Variants in IMPG2 observed in about 807,000 individuals in gnomAD.
IMPG2 encodes the protein interphotoreceptor matrix proteoglycan 2.
Under a neutral mutation model 129.2 loss-of-function variants are expected in IMPG2, and 91 were observed. That is an observed-to-expected ratio of 0.70 (90% CI 0.59 to 0.84). The LOEUF is 0.84. Ranked by LOEUF, IMPG2 falls within the 40% of genes least tolerant of loss-of-function variation. The pLI is 0.00. For synonymous variants in IMPG2, 510 were observed against 517.7 expected (o/e 0.99, Z 0.20); for missense variants, 1,430 against 1,461.7 (o/e 0.98, Z 0.35).
In IMPG2 at chr3:101,226,574, C is replaced by A. The variant is rs1470461436; in HGVS notation, c.*395G>T. Reference sequence around the variant, plus strand: ...TGCTCCAAAATATTCCCTTACTAAGCCAGACTTCTCCATGGAAGAGTCTCA... The same window carrying A: ...TGCTCCAAAATATTCCCTTACTAAGACAGACTTCTCCATGGAAGAGTCTCA... On this transcript the variant is annotated 3_prime_UTR_variant, in exon 19 of 19. Transcript: ENST00000193391. 5 of 176,986 alleles carry A rather than the reference C, an allele frequency of 2.8e-5. No homozygotes were observed. Among genetic ancestry groups the A allele is most frequent in the Non-Finnish European group, 5.9e-5 (5 of 84,718 alleles). The allele number at this position is 176,986 out of a possible 1,614,324, so 11.0% of individuals were successfully genotyped here. A position where few individuals can be genotyped will look rare whatever the true frequency, so the allele number is the denominator to read the frequency against.
chr3:101,224,978 C>T lies in IMPG2; in HGVS notation c.*1991G>A, dbSNP rs1332546220. The T allele has an allele frequency of 6.6e-6, 1 of 152,208 alleles. No individual in the cohort carries two copies. The highest frequency in any genetic ancestry group is 1.5e-5 in the Non-Finnish European group (1 of 68,026). 9.4% of individuals were successfully genotyped at this position (152,208 alleles called of 1,614,324 possible). A position where few individuals can be genotyped will look rare whatever the true frequency, so the allele number is the denominator to read the frequency against. ...TTCTCCTAAGTGTTCTGCATGGTGA[C>T]CTGCCCTAGAGGGATTTGTGTCCAT... is the stretch of plus-strand genomic sequence containing the variant. On this transcript the variant is annotated 3_prime_UTR_variant, in exon 19 of 19. Transcript: ENST00000193391.
chr3:101,291,385 T>C, intron 4 of IMPG2, 94 bp downstream of exon 4: 2 of 1,074,878 alleles, frequency 1.9e-6, no homozygotes, highest in Non-Finnish European at 2.9e-6. Flanking sequence ...GGCAAGAAAA[T>C]AGAAAGGCAC....
intron 9 of IMPG2, among the ~76,000 whole-genome samples, chr3:101,260,650 C>T (rs1706659091): frequency 6.6e-6 from 1 of 152,082 alleles, no homozygotes; most frequent in South Asian, 2.1e-4. Flanking sequence ...TTATTACCTC[C>T]CAACCCTTAT....
At chr3:101,251,993 T>C (rs1488694916) in intron 11 of IMPG2, among the ~76,000 whole-genome samples, 1 of 152,202 alleles carries the variant, frequency 6.6e-6, no homozygotes, top group African/African-American at 2.4e-5. Context: ...TTCTGATGTC[T>C]CCTTCAATTG....
chr3:101,304,450 A>G, intron 2 of IMPG2, 138 bp from the exon 3 acceptor site: 1 of 760,414 alleles, frequency 1.3e-6, no homozygotes, highest in Non-Finnish European at 2.3e-6. Context: ...ATTCTCAGTC[A>G]AAGGCCTTCT....
chr3:101,232,768 A>G lies in IMPG2; in HGVS notation c.3233+13T>C. 1 of 1,612,096 alleles carries G rather than the reference A, an allele frequency of 6.2e-7. No individual in the cohort carries two copies. ...TATAGCCTCTAAAGTCAAAATCTGT[A>G]ACTACAACATACCTACAAATGGCCC... On this transcript the variant is annotated intron_variant, in intron 15 of 18. Coordinates refer to ENST00000193391, the MANE Select transcript of IMPG2 (RefSeq NM_016247.4).
At chr3:101,267,351 T>C (rs1327359822) in intron 9 of IMPG2, among the ~76,000 whole-genome samples, 160 bp downstream of exon 9, 1 of 152,202 alleles carries the variant, frequency 6.6e-6, no homozygotes, top group Non-Finnish European at 1.5e-5. Context: ...GCTACCTGAC[T>C]CTTAATAGAA....
At chr3:101,239,416 T>C (rs1706382098) in intron 14 of IMPG2, among the ~76,000 whole-genome samples, 1 of 152,180 alleles carries the variant, frequency 6.6e-6, no homozygotes, top group South Asian at 2.1e-4. Context: ...ATGGCGATCA[T>C]TAAAAAGTCA....
Position 101,320,445 on chromosome 3 carries a change from T to C in IMPG2, c.-73A>G, listed in dbSNP as rs895971005. On this transcript the variant is annotated 5_prime_UTR_variant, in exon 1 of 19. Transcript: ENST00000193391. ...GTGTCCAAATCCTTGAAACTTCCAA[T>C]AACAAAGAGTTATAGGAAAGACCTA... 1 of 902,442 alleles carries C rather than the reference T, an allele frequency of 1.1e-6. No homozygotes were observed. The highest frequency in any genetic ancestry group is 1.8e-5 in the Admixed American group (1 of 54,886). 55.9% of individuals were successfully genotyped at this position (902,442 alleles called of 1,614,324 possible).
At chr3:101,269,599 T>C in intron 7 of IMPG2, 26 bp from the exon 8 acceptor site, 6 of 1,350,894 alleles carry the variant, frequency 4.4e-6, no homozygotes, top group Non-Finnish European at 6.4e-6. Context: ...ATAAAAATGA[T>C]AACTATGTAA....
intron 2 of IMPG2, among the ~76,000 whole-genome samples, chr3:101,317,950 T>C (rs2058793621): frequency 6.6e-6 from 1 of 151,456 alleles, no homozygotes; most frequent in African/African-American, 2.4e-5. Context: ...TGAGACCCCA[T>C]CTCTACCAAA....
chr3:101,228,708 G>C (rs946801570), intron 18 of IMPG2, 89 bp downstream of exon 18: 1 of 1,048,310 alleles, frequency 9.5e-7, no homozygotes, highest in Non-Finnish European at 1.5e-6. Flanking sequence ...ACATGGACAG[G>C]AAATTATGTG....
chr3:101,231,275 G>A, intron 15 of IMPG2, 130 bp from the exon 16 acceptor site: 4 of 861,180 alleles, frequency 4.6e-6, no homozygotes, highest in Non-Finnish European at 7.8e-6. Context: ...TTCATAAAGA[G>A]TTGAATAGAC....
chr3:101,293,351 G>C (rs2107128153), intron 3 of IMPG2, among the ~76,000 whole-genome samples: 1 of 152,220 alleles, frequency 6.6e-6, no homozygotes, highest in Non-Finnish European at 1.5e-5. Flanking sequence ...CAGAGCTCTT[G>C]GGTGGCTATG....
intron 14 of IMPG2, among the ~76,000 whole-genome samples, chr3:101,237,561 A>T (rs1706360898): frequency 1.3e-5 from 2 of 152,162 alleles, no homozygotes; most frequent in Admixed American, 1.3e-4. Flanking sequence ...TCCATTGGTG[A>T]TACCCAGGCA....
intron 4 of IMPG2, among the ~76,000 whole-genome samples, chr3:101,284,452 TAA>T (rs1007231563): frequency 4.8e-4 from 73 of 152,252 alleles, no homozygotes; most frequent in African/African-American, 1.7e-3. Flanking sequence ...AACTTTCCAG[TAA>T]AAGAGACTCA....
rs758077034 is a variant in IMPG2, at chr3:101,244,060, T to C, written c.2271A>G (p.Glu757=). 2 of 1,614,036 alleles carry C rather than the reference T, an allele frequency of 1.2e-6. No individual in the cohort carries two copies. Among genetic ancestry groups the C allele is most frequent in the Non-Finnish European group, 8.5e-7 (1 of 1,180,024 alleles). The change falls in exon 13 of 19, where the codon GAA becomes GAG. Residue 757 remains glutamate (E), a synonymous_variant. Coordinates refer to ENST00000193391, the MANE Select transcript of IMPG2 (RefSeq NM_016247.4). ...MEQITESSNY[E]WFDSEVSMVK... ...CCATTGAAACCTCACTGTCAAACCA[T>C]TCATAGTTGGATGACTCAGTAATTT...
At chr3:101,319,472 G>T in intron 2 of IMPG2, 112 bp downstream of exon 2, 1 of 1,233,890 alleles carries the variant, frequency 8.1e-7, no homozygotes, top group Non-Finnish European at 1.2e-6. Flanking sequence ...AGGTAGTTTT[G>T]GCTCAGTCCT....
chr3:101,309,530 A>G (rs1189012723), intron 2 of IMPG2, among the ~76,000 whole-genome samples: 1 of 152,136 alleles, frequency 6.6e-6, no homozygotes, highest in Non-Finnish European at 1.5e-5. Flanking sequence ...AAAGCCCCTT[A>G]TTAAGCCACA....
Sources: gnomAD v4.1 joint callset for allele counts (sites outside exome capture counted in the v4.1 genomes callset) on GRCh38, gnomAD v4.1.1 for gene constraint, MANE v1.5 for transcripts, NCBI Gene and HGNC (gene_info 2026-07-23, HGNC 2026-07-21) for gene names.